Variants in ENOSF1 observed in about 807,000 individuals in gnomAD.
ENOSF1 encodes enolase superfamily member 1.
ENOSF1 carries 73 observed loss-of-function variants against 68.2 expected under a neutral mutation model. The ratio of observed to expected loss-of-function variants is 1.07; its 90% confidence interval spans 0.89 to 1.30. The LOEUF (loss-of-function observed/expected upper bound fraction) is 1.30. Ranked by LOEUF, ENOSF1 falls within the 50% of genes most tolerant of loss-of-function variation. The probability of loss-of-function intolerance (pLI) is 0.00; values close to 1 mark genes in which losing one functional copy is unlikely to be tolerated. For synonymous variants in ENOSF1, 223 were observed against 210.4 expected, an observed-to-expected ratio of 1.06 and a Z score of -0.52; for missense variants, 589 against 554.5, an observed-to-expected ratio of 1.06 and a Z score of -0.62.
At chr18:711,360 C>T (rs143118912) in intron 1 of ENOSF1, among the ~76,000 whole-genome samples, 2 of 152,274 alleles carry the variant, frequency 1.3e-5, no homozygotes, top group South Asian at 2.1e-4. Flanking sequence ...TTGCCATCCA[C>T]CCAATTTAGG....
intron 2 of ENOSF1, among the ~76,000 whole-genome samples, chr18:698,631 A>G (rs2077998180): frequency 6.6e-6 from 1 of 151,786 alleles, no homozygotes; most frequent in Admixed American, 6.6e-5. Context: ...TTTAATTATT[A>G]TTTTTTAGAG....
At chr18:709,588 T>C (rs1051294249) in intron 1 of ENOSF1, among the ~76,000 whole-genome samples, 3 of 152,072 alleles carry the variant, frequency 2.0e-5, no homozygotes, top group Non-Finnish European at 1.5e-5. Context: ...CTGGACAACA[T>C]GGTGAAACCC....
intron 9 of ENOSF1, chr18:688,371 G>A (rs1203231399): frequency 1.7e-6 from 1 of 574,088 alleles, no homozygotes; most frequent in Non-Finnish European, 3.1e-6. Context: ...AACTCTGATG[G>A]CCTATAATTC....
In ENOSF1 at chr18:674,217, A is replaced by G. The variant is rs1458606219; in HGVS notation, c.*88T>C. 5.5e-6 allele frequency: 5 copies of G among 911,500 alleles called. No individual in the cohort carries two copies. Among genetic ancestry groups the G allele is most frequent in the Non-Finnish European group, 8.6e-6 (5 of 582,746 alleles). 56.5% of individuals were successfully genotyped at this position (911,500 alleles called of 1,614,324 possible). ...AGCTGAACTCATCTTGATCGGTAGG[A>G]TTTTTTAAATCCATTTTTGTAAAAC... On this transcript the variant is annotated 3_prime_UTR_variant, in exon 16 of 16. Transcript: ENST00000647584.
At position 698,929 on chromosome 18, in the gene ENOSF1, G is replaced by GT. The variant is rs550525034; in HGVS notation, c.194-1575dup. Among the ~76,000 whole-genome samples, 449 of 152,188 alleles carry GT rather than the reference G, an allele frequency of 3.0e-3. 1 individual carries two copies. The highest frequency in any genetic ancestry group is 0.01 in the African/African-American group (436 of 41,528). ...GAGACACTGCACCCAGCACCTCACT[G>GT]TAATCTTGAATGCCTAGCCTCAAGC... is the stretch of plus-strand genomic sequence containing the variant. On this transcript the variant is annotated intron_variant, in intron 2 of 15. Transcript: ENST00000647584.
Position 672,834 on chromosome 18 carries a change from A to G in ENOSF1, c.*1471T>C. The G allele has an allele frequency of 6.5e-7, 1 of 1,543,238 alleles. No homozygotes were observed. Among genetic ancestry groups the G allele is most frequent in the Non-Finnish European group, 8.8e-7 (1 of 1,130,252 alleles). ...TACAACAGGTCGTACAATTATGGCA[A>G]AATAATGGCCTTATTTTGTTTTTAG... On this transcript the variant is annotated 3_prime_UTR_variant, in exon 16 of 16. Transcript: ENST00000647584.
chr18:695,594 ATTT>A (rs2077632277), intron 3 of ENOSF1, among the ~76,000 whole-genome samples: 1 of 152,070 alleles, frequency 6.6e-6, no homozygotes, highest in Admixed American at 6.6e-5. Context: ...CTCCTTAAAA[ATTT>A]TTTATTTTAT....
Position 670,795 on chromosome 18 carries a change from C to A in ENOSF1, c.*3510G>T. The A allele has an allele frequency of 6.2e-7, 1 of 1,614,100 alleles. No individual in the cohort carries two copies. Among genetic ancestry groups the A allele is most frequent in the Non-Finnish European group, 8.5e-7 (1 of 1,180,040 alleles). On this transcript the variant is annotated 3_prime_UTR_variant, in exon 16 of 16. Transcript: ENST00000647584. ...TGTACCAGAGATCGGGAGACATGGG[C>A]CTCGGTGTGCCTTTCAACATCGCCA...
At chr18:698,624 A>AATT (rs71363257) in intron 2 of ENOSF1, among the ~76,000 whole-genome samples, 1 of 151,424 alleles carries the variant, frequency 6.6e-6, no homozygotes, top group Non-Finnish European at 1.5e-5. Flanking sequence ...TGGTACCTTT[A>AATT]ATTATTATTT....
chr18:703,868 T>C (rs955542209), intron 2 of ENOSF1, among the ~76,000 whole-genome samples: 4 of 152,166 alleles, frequency 2.6e-5, no homozygotes, highest in Admixed American at 6.5e-5. Context: ...CACTATCCCA[T>C]TGGTACTGTC....
At chr18:681,807 G>A (rs961653069) in intron 11 of ENOSF1, among the ~76,000 whole-genome samples, 4 of 152,192 alleles carry the variant, frequency 2.6e-5, no homozygotes, top group East Asian at 1.9e-4. Flanking sequence ...CACATATCTC[G>A]GCTGTTCTCT....
At chr18:709,415 G>A (rs1407520919) in intron 1 of ENOSF1, among the ~76,000 whole-genome samples, 1 of 152,168 alleles carries the variant, frequency 6.6e-6, no homozygotes, top group Non-Finnish European at 1.5e-5. Flanking sequence ...GGTAAGGACA[G>A]CTGAAGGAGA....
At chr18:711,540 T>C (rs1360879062) in intron 1 of ENOSF1, among the ~76,000 whole-genome samples, 2 of 152,070 alleles carry the variant, frequency 1.3e-5, no homozygotes, top group Non-Finnish European at 2.9e-5. Context: ...GCGCGGCCAA[T>C]CTCATCAGTG....
At chr18:708,210 G>A (rs2079145557) in intron 1 of ENOSF1, among the ~76,000 whole-genome samples, 1 of 152,132 alleles carries the variant, frequency 6.6e-6, no homozygotes, top group Non-Finnish European at 1.5e-5. Flanking sequence ...GGGGTGTCGT[G>A]GCTGAGGGAG....
chr18:708,024 T>A (rs1476905837), intron 1 of ENOSF1, among the ~76,000 whole-genome samples: 1 of 28,172 alleles, frequency 3.5e-5, no homozygotes, highest in African/African-American at 1.1e-4. Context: ...TATGACCAGC[T>A]TTTTTTTTTT....
chr18:679,897 T>G, intron 11 of ENOSF1, among the ~76,000 whole-genome samples: 1 of 152,214 alleles, frequency 6.6e-6, no homozygotes, highest in Non-Finnish European at 1.5e-5. Flanking sequence ...TTTTTGGAGC[T>G]CTGAGTACCT....
downstream of ENOSF1, among the ~76,000 whole-genome samples, chr18:667,523 T>C (rs868756626): frequency 8.9e-5 from 5 of 55,966 alleles, no homozygotes; most frequent in African/African-American, 1.6e-4. Flanking sequence ...ATGGTGATGG[T>C]GATGGAGATG....
In ENOSF1 at chr18:670,880, G is replaced by A. The variant is rs765121521; in HGVS notation, c.*3425C>T. ...CACGGGCCTGAAGGTGGGCTGTCTC[G>A]GGAAGGGTGACTTGCCAGCCTACCA... On this transcript the variant is annotated 3_prime_UTR_variant, in exon 16 of 16. Coordinates refer to ENST00000647584, the MANE Select transcript of ENOSF1 (RefSeq NM_017512.7). 4.1e-5 allele frequency: 66 copies of A among 1,613,164 alleles called. No individual in the cohort carries two copies. The Middle Eastern group carries it at 5.0e-4, about 12-fold the overall frequency.
intron 2 of ENOSF1, among the ~76,000 whole-genome samples, chr18:698,573 A>C (rs543066056): frequency 1.1e-4 from 16 of 152,304 alleles, no homozygotes; most frequent in African/African-American, 3.4e-4. Flanking sequence ...TTTGAAGGTT[A>C]AATTTAATTT....
Sources: allele counts gnomAD v4.1 joint callset (sites outside exome capture counted in the v4.1 genomes callset), GRCh38; gene constraint gnomAD v4.1.1; transcripts MANE v1.5; gene names NCBI Gene and HGNC (gene_info 2026-07-23, HGNC 2026-07-21).